Variants in CNTLN observed in about 807,000 individuals in gnomAD.
CNTLN encodes the protein centlein, centrosomal protein.
CNTLN carries 212 observed loss-of-function variants against 180.0 expected under a neutral mutation model. The observed-to-expected ratio is 1.18, with a 90% CI of 1.05 to 1.32. The LOEUF (loss-of-function observed/expected upper bound fraction) is 1.32. Ranked by LOEUF, CNTLN falls within the 40% of genes most tolerant of loss-of-function variation. CNTLN has a pLI of 0.00. For missense variants in CNTLN, 2,095 were observed against 1,610.9 expected, an observed-to-expected ratio of 1.30 and a Z score of -5.14; for synonymous variants, 722 against 563.1, an observed-to-expected ratio of 1.28 and a Z score of -3.99.
At chr9:17,316,035 G>GT (rs1247217318) in intron 8 of CNTLN, among the ~76,000 whole-genome samples, 1 of 151,660 alleles carries the variant, frequency 6.6e-6, no homozygotes, top group African/African-American at 2.4e-5. Flanking sequence ...CTTCTGTCTA[G>GT]TTTTTTTCCC....
chr9:17,486,277 A>T (rs1832883736), intron 24 of CNTLN, among the ~76,000 whole-genome samples: 1 of 118,232 alleles, frequency 8.5e-6, no homozygotes, highest in Non-Finnish European at 2.1e-5. Flanking sequence ...GCCTAGCATG[A>T]TGCCTGCCAT....
intron 3 of CNTLN, among the ~76,000 whole-genome samples, chr9:17,232,938 T>G (rs1824903564): frequency 6.6e-6 from 1 of 152,042 alleles, no homozygotes; most frequent in African/African-American, 2.4e-5. Context: ...TCTATTTTTA[T>G]GTTATTTGAT....
At chr9:17,171,700 G>T (rs1198593492) in intron 2 of CNTLN, among the ~76,000 whole-genome samples, 2 of 152,068 alleles carry the variant, frequency 1.3e-5, no homozygotes, top group African/African-American at 4.8e-5. Flanking sequence ...CCAGGGTCTG[G>T]GGTAGCAGTG....
At chr9:17,312,350 TA>T (rs1380091210) in intron 8 of CNTLN, among the ~76,000 whole-genome samples, 7 of 16,368 alleles carry the variant, frequency 4.3e-4, no homozygotes, top group African/African-American at 9.9e-4. Context: ...TATTTATATA[TA>T]TATATATATA....
intron 5 of CNTLN, among the ~76,000 whole-genome samples, chr9:17,256,932 G>A (rs1473410818): frequency 6.6e-6 from 1 of 151,692 alleles, no homozygotes; most frequent in Non-Finnish European, 1.5e-5. Context: ...CCTAGTGCAG[G>A]AGCTCAGTCC....
intron 10 of CNTLN, among the ~76,000 whole-genome samples, chr9:17,335,918 T>G (rs932753056): frequency 7.7e-6 from 1 of 129,292 alleles, no homozygotes; most frequent in Non-Finnish European, 1.7e-5. Flanking sequence ...TTCCAGCGAG[T>G]CTGTCTCAAA....
At chr9:17,296,200 A>C (rs1294555190) in intron 6 of CNTLN, among the ~76,000 whole-genome samples, 3 of 151,896 alleles carry the variant, frequency 2.0e-5, no homozygotes, top group African/African-American at 7.3e-5. Flanking sequence ...ACGGGGTTTC[A>C]CTATTGGTCA....
At chr9:17,464,695 T>A in intron 21 of CNTLN, 72 bp downstream of exon 21, 1 of 950,424 alleles carries the variant, frequency 1.1e-6, no homozygotes, top group Non-Finnish European at 1.5e-6. Context: ...CCACAAACAT[T>A]TAATCCTAAT....
intron 25 of CNTLN, among the ~76,000 whole-genome samples, chr9:17,496,205 G>T (rs192331181): frequency 8.1e-4 from 124 of 152,232 alleles, no homozygotes; most frequent in Non-Finnish European, 1.4e-3. Flanking sequence ...TTCTCTTTTG[G>T]ATCCTTCCCC....
At chr9:17,310,815 A>T (rs1587613644) in intron 8 of CNTLN, among the ~76,000 whole-genome samples, 1 of 152,110 alleles carries the variant, frequency 6.6e-6, no homozygotes, top group Admixed American at 6.6e-5. Flanking sequence ...CATATCACTG[A>T]CTAGCCAGTA....
At position 17,187,840 on chromosome 9, in the gene CNTLN, A is replaced by C. The variant is rs115367895; in HGVS notation, c.450-38363A>C. On this transcript the variant is annotated intron_variant, in intron 2 of 25. Coordinates refer to ENST00000380647, the MANE Select transcript of CNTLN (RefSeq NM_017738.4). ...CAATATTGGAACTTTAAAAGAACCTATGTAATATGTAACCAGAAGCAGTTT... is the reference window on the plus strand; with the variant it reads ...CAATATTGGAACTTTAAAAGAACCTCTGTAATATGTAACCAGAAGCAGTTT... 5.2e-3 allele frequency among the ~76,000 whole-genome samples: 790 copies of C among 151,636 alleles called. 5 individuals are homozygous for C. The highest frequency in any genetic ancestry group is 0.018 in the African/African-American group (758 of 41,472).
intron 2 of CNTLN, among the ~76,000 whole-genome samples, chr9:17,196,966 T>C (rs1354056397): frequency 6.6e-6 from 1 of 152,132 alleles, no homozygotes; most frequent in Admixed American, 6.5e-5. Flanking sequence ...TCAAAGTGTA[T>C]AGTTGTGCCC....
chr9:17,295,192 G>T lies in CNTLN; in HGVS notation c.984-2998G>T, dbSNP rs1817788175. 3.9e-5 allele frequency among the ~76,000 whole-genome samples: 6 copies of T among 152,132 alleles called. No homozygotes were observed. The South Asian group carries it at 1.2e-3, about 31-fold the overall frequency. ...CCCGCAGGCGCTGCACGCAGCCCCA[G>T]TTCCCGCCCACGCCTGTCCCTCCAC... On this transcript the variant is annotated intron_variant, in intron 6 of 25. Transcript: ENST00000380647.
rs763638872 is a variant in CNTLN at position 17,502,585 on chromosome 9, T to A, written c.4154T>A (p.Leu1385Gln). 2 of 1,407,748 alleles carry A rather than the reference T, an allele frequency of 1.4e-6. No homozygotes were observed. Among genetic ancestry groups the A allele is most frequent in the Non-Finnish European group, 1.9e-6 (2 of 1,029,382 alleles). The allele number at this position is 1,407,748 out of a possible 1,614,324, so 87.2% of individuals were successfully genotyped here. Reference sequence around the variant, plus strand: ...GCCTCATATTTACTAGAAGCAGTACTGGAAAAAATAAATGAAAAAAAGAAA... The same window carrying A: ...GCCTCATATTTACTAGAAGCAGTACAGGAAAAAATAAATGAAAAAAAGAAA... ...PFASYLLEAVLEKINEKKKLV... is the reference protein window; with the variant it reads ...PFASYLLEAVQEKINEKKKLV... The change falls in exon 26 of 26, where the codon CTG (leucine) becomes CAG (glutamine). Residue 1385 changes from leucine (L) to glutamine (Q), a missense_variant. Transcript: ENST00000380647.
At chr9:17,482,311 T>C (rs1447830225) in intron 23 of CNTLN, among the ~76,000 whole-genome samples, 1 of 152,116 alleles carries the variant, frequency 6.6e-6, no homozygotes, top group Non-Finnish European at 1.5e-5. Context: ...GTTAGTTATT[T>C]GAATTCCTAG....
At chr9:17,343,919 T>C (rs1821680025) in intron 12 of CNTLN, among the ~76,000 whole-genome samples, 1 of 152,186 alleles carries the variant, frequency 6.6e-6, no homozygotes, top group Non-Finnish European at 1.5e-5. Context: ...AGACATTGCA[T>C]ATAAATGGCA....
chr9:17,171,763 A>G (rs1414614926), intron 2 of CNTLN, among the ~76,000 whole-genome samples: 1 of 152,124 alleles, frequency 6.6e-6, no homozygotes, highest in African/African-American at 2.4e-5. Flanking sequence ...TGGTATGTAC[A>G]GTATGGGTGC....
In CNTLN at chr9:17,167,568, C is replaced by T. The variant is rs375269690; in HGVS notation, c.449+24192C>T. 12 of 152,122 alleles carry T rather than the reference C, an allele frequency of 7.9e-5. No homozygotes were observed. In the East Asian group the frequency reaches 1.7e-3, roughly 22 times the overall value. The allele number at this position is 152,122 out of a possible 1,614,324, so 9.4% of individuals were successfully genotyped here. On this transcript the variant is annotated intron_variant, in intron 2 of 25. Transcript: ENST00000380647. ...TATACCAAAGGTATTTGTAGGGGCACTAGAATGCAAGCAAGACATTTTCTG... is the reference window on the plus strand; with the variant it reads ...TATACCAAAGGTATTTGTAGGGGCATTAGAATGCAAGCAAGACATTTTCTG...
chr9:17,505,148 A>AG (rs1833909617), downstream of CNTLN, among the ~76,000 whole-genome samples: 2 of 151,830 alleles, frequency 1.3e-5, no homozygotes, highest in South Asian at 2.1e-4. Context: ...ATTTTAAAAA[A>AG]AACTCAGAAA....
Sources: allele counts gnomAD v4.1 joint callset (sites outside exome capture counted in the v4.1 genomes callset), GRCh38; gene constraint gnomAD v4.1.1; transcripts MANE v1.5; gene names NCBI Gene and HGNC (gene_info 2026-07-23, HGNC 2026-07-21).